Variants in NUDCD1 observed in about 807,000 individuals in gnomAD.
NUDCD1 encodes NudC domain containing 1, also known as nudC domain-containing protein 1.
In NUDCD1, 60 loss-of-function variants were observed where a neutral mutation model predicts 67.8. The ratio of observed to expected loss-of-function variants is 0.88; its 90% CI spans 0.72 to 1.10. The LOEUF is 1.10. Ranked by LOEUF, NUDCD1 falls within the 50% of genes least tolerant of loss-of-function variation. NUDCD1 has a pLI of 0.00. For missense variants in NUDCD1, 643 were observed against 695.0 expected, an observed-to-expected ratio of 0.93 and a Z score of 0.84; for synonymous variants, 244 against 230.8, an observed-to-expected ratio of 1.06 and a Z score of -0.52.
intron 7 of NUDCD1, among the ~76,000 whole-genome samples, chr8:109,273,834 C>T (rs1814215485): frequency 6.6e-6 from 1 of 151,812 alleles, no homozygotes; most frequent in African/African-American, 2.4e-5. Context: ...TCCCAGATAC[C>T]CAAACTGGAA....
In NUDCD1 at chr8:109,292,815, A is replaced by T. The variant is rs529208876; in HGVS notation, c.640+529T>A. On this transcript the variant is annotated intron_variant, in intron 4 of 9. Coordinates refer to ENST00000239690, the MANE Select transcript of NUDCD1 (RefSeq NM_032869.4). The stretch of plus-strand genomic sequence containing the variant: ...AGCTTCAAACAGACCAAAGTTCAGG[A>T]CTATTCTAAACATGGGAGCACATCA... Among the ~76,000 whole-genome samples the T allele has an allele frequency of 5.5e-4, 84 of 152,212 alleles. 2 individuals carry two copies. In the South Asian group the frequency reaches 8.9e-3, roughly 16 times the overall value.
At chr8:109,245,277 T>G (rs1472598844) in intron 9 of NUDCD1, 45 bp downstream of exon 9, 2 of 1,548,336 alleles carry the variant, frequency 1.3e-6, no homozygotes, top group Non-Finnish European at 1.8e-6. Flanking sequence ...GAATGATGAC[T>G]GTATTTCTGA....
chr8:109,328,909 A>G (rs1815742512), intron 1 of NUDCD1, among the ~76,000 whole-genome samples: 1 of 152,242 alleles, frequency 6.6e-6, no homozygotes, highest in South Asian at 2.1e-4. Context: ...TAATGAAGAG[A>G]ATTACCAATC....
At position 109,275,256 on chromosome 8, in the gene NUDCD1, AG is replaced by A. The variant is rs1387422045; in HGVS notation, c.1173+95del. The stretch of plus-strand genomic sequence containing the variant: ...GTATCTGATATGTATCTTTTATATT[AG>A]GAAAAGCAAAATATTGTTTGAAAAG... On this transcript the variant is annotated intron_variant, in intron 7 of 9. Transcript: ENST00000239690. 11 of 1,221,106 alleles carry A rather than the reference AG, an allele frequency of 9.0e-6. No homozygotes were observed. The East Asian group carries it at 2.1e-4, about 24-fold the overall frequency. The allele number at this position is 1,221,106 out of a possible 1,614,324, so 75.6% of individuals were successfully genotyped here.
At chr8:109,331,747 G>A (rs1056199996) in intron 1 of NUDCD1, among the ~76,000 whole-genome samples, 1 of 152,136 alleles carries the variant, frequency 6.6e-6, no homozygotes, top group Non-Finnish European at 1.5e-5. Context: ...ATGAGTAAAT[G>A]ATAGTTTTTA....
chr8:109,314,035 G>A, intron 2 of NUDCD1: 2 of 335,818 alleles, frequency 6.0e-6, no homozygotes, highest in Non-Finnish European at 1.2e-5. Context: ...AATTTTAAAT[G>A]GACTATAAGC....
Position 109,271,016 on chromosome 8 carries a change from T to A in NUDCD1, c.1288A>T (p.Thr430Ser). 1 of 1,580,018 alleles carries A rather than the reference T, an allele frequency of 6.3e-7. No individual in the cohort carries two copies. The highest frequency in any genetic ancestry group is 1.8e-5 in the Admixed American group (1 of 55,222). Reference protein sequence around the residue: ...LCRFDGNTLKTTHVVNLGSNQ... With the variant: ...LCRFDGNTLKSTHVVNLGSNQ... ...TATCAGTAACTTACCACATGAGTAGTTTTTAATGTATTGCCATCAAATCTG... is the reference window on the plus strand; with the variant it reads ...TATCAGTAACTTACCACATGAGTAGATTTTAATGTATTGCCATCAAATCTG... The change falls in exon 8 of 10, where the codon ACT becomes TCT. Residue 430 changes from threonine (T) to serine (S), a missense_variant. Thr to Ser is a moderately conservative substitution (Grantham distance 58). Transcript: ENST00000239690.
At chr8:109,327,305 T>TC (rs1460398261) in intron 1 of NUDCD1, among the ~76,000 whole-genome samples, 1 of 152,234 alleles carries the variant, frequency 6.6e-6, no homozygotes, top group African/African-American at 2.4e-5. Context: ...GTGGGTATTT[T>TC]CCCCATCTTT....
chr8:109,325,181 T>C (rs1177420231), intron 1 of NUDCD1, among the ~76,000 whole-genome samples: 4 of 151,952 alleles, frequency 2.6e-5, no homozygotes, highest in Non-Finnish European at 5.9e-5. Flanking sequence ...AGAAAGATAG[T>C]TATCAGAGGC....
At chr8:109,333,213 T>G (rs535958294) in intron 1 of NUDCD1, among the ~76,000 whole-genome samples, 1 of 152,230 alleles carries the variant, frequency 6.6e-6, no homozygotes, top group Non-Finnish European at 1.5e-5. Context: ...TGCATCAGAA[T>G]CAGCAGGGGT....
chr8:109,319,019 G>C (rs1220440685), intron 2 of NUDCD1, among the ~76,000 whole-genome samples: 1 of 148,486 alleles, frequency 6.7e-6, no homozygotes, highest in East Asian at 2.0e-4. Flanking sequence ...GTGCAGTGGT[G>C]CGATCTTGGC....
At chr8:109,310,116 G>GA (rs1316102810) in intron 2 of NUDCD1, among the ~76,000 whole-genome samples, 3 of 151,214 alleles carry the variant, frequency 2.0e-5, no homozygotes, top group Admixed American at 6.6e-5. Context: ...CACAGAATTA[G>GA]AAAAAAAAAT....
intron 2 of NUDCD1, chr8:109,299,074 T>TAG (rs1212229566): frequency 6.6e-6 from 1 of 152,146 alleles, no homozygotes; most frequent in African/African-American, 2.4e-5. Context: ...AACACAGGGG[T>TAG]AGAGGAAGCA....
chr8:109,324,922 T>C (rs1000320738), intron 1 of NUDCD1, among the ~76,000 whole-genome samples: 4 of 152,042 alleles, frequency 2.6e-5, no homozygotes, highest in African/African-American at 7.3e-5. Context: ...CCGTCTCTAC[T>C]AAAAATTCAA....
Position 109,241,250 on chromosome 8 carries a change from A to T in NUDCD1, c.*1759T>A, listed in dbSNP as rs1813359287. 1 of 152,182 alleles carries T rather than the reference A, an allele frequency of 6.6e-6. No homozygotes were observed. The highest frequency in any genetic ancestry group is 2.1e-4 in the South Asian group (1 of 4,834). 9.4% of individuals were successfully genotyped at this position (152,182 alleles called of 1,614,324 possible). A position where few individuals can be genotyped will look rare whatever the true frequency, so the allele number is the denominator to read the frequency against. On this transcript the variant is annotated 3_prime_UTR_variant, in exon 10 of 10. Transcript: ENST00000239690. Reference sequence around the variant, plus strand: ...AAAATCACATGCACAAAGAATATTGATTACTAAAATTGGCAATATATACAT... The same window carrying T: ...AAAATCACATGCACAAAGAATATTGTTTACTAAAATTGGCAATATATACAT...
At position 109,243,156 on chromosome 8, in the gene NUDCD1, T is replaced by C. The variant is rs547163221; in HGVS notation, c.1605A>G (p.Glu535=). ...TAGCAACCTGTCCTACTTGCCTGCC[T>C]TCCTTTCTGTTGTAAAGTACAGTGG... ...PMSTVLYNRK[E]GRQVGQVAKQ... Residue 535 remains glutamate, a synonymous_variant, in exon 10 of 10, where the codon GAA becomes GAG. Coordinates refer to ENST00000239690, the MANE Select transcript of NUDCD1 (RefSeq NM_032869.4). 2.0e-5 allele frequency: 32 copies of C among 1,613,934 alleles called. No homozygotes were observed. The highest frequency in any genetic ancestry group is 3.3e-4 in the Middle Eastern group (2 of 6,060).
At chr8:109,250,470 T>A (rs990371396) in intron 8 of NUDCD1, among the ~76,000 whole-genome samples, 1 of 152,218 alleles carries the variant, frequency 6.6e-6, no homozygotes, top group Admixed American at 6.5e-5. Context: ...TAGCTGTTTA[T>A]GCCTTTCACT....
At chr8:109,256,950 A>G (rs1294304802) in intron 8 of NUDCD1, among the ~76,000 whole-genome samples, 1 of 152,134 alleles carries the variant, frequency 6.6e-6, no homozygotes, top group Non-Finnish European at 1.5e-5. Flanking sequence ...CTAAGCACTT[A>G]AAAATTCAAC....
At chr8:109,310,879 G>A (rs1022132807) in intron 2 of NUDCD1, among the ~76,000 whole-genome samples, 5 of 142,938 alleles carry the variant, frequency 3.5e-5, no homozygotes, top group Admixed American at 2.2e-4. Context: ...GCAGTGGTGC[G>A]ATCTCGGCTC....
Sources: gnomAD v4.1 joint callset for allele counts (sites outside exome capture counted in the v4.1 genomes callset) on GRCh38, gnomAD v4.1.1 for gene constraint, MANE v1.5 for transcripts, NCBI Gene and HGNC (gene_info 2026-07-23, HGNC 2026-07-21) for gene names.